Variants in MGAT5 observed in about 807,000 individuals in gnomAD.
MGAT5 encodes alpha-1,6-mannosylglycoprotein 6-beta-N-acetylglucosaminyltransferase.
In MGAT5, 30 loss-of-function variants were observed where a neutral mutation model predicts 94.3. The ratio of observed to expected loss-of-function variants is 0.32; its 90% CI spans 0.24 to 0.43. The LOEUF is 0.43. MGAT5 is among the 20% of genes least tolerant of loss of function. The pLI is 1.00. For synonymous variants in MGAT5, 310 were observed against 322.9 expected (o/e 0.96, Z 0.43); for missense variants, 691 against 905.5 (o/e 0.76, Z 3.04).
At chr2:134,309,388 G>A (rs1686517024) in intron 2 of MGAT5, among the ~76,000 whole-genome samples, 1 of 152,186 alleles carries the variant, frequency 6.6e-6, no homozygotes, top group African/African-American at 2.4e-5. Flanking sequence ...TTTAAGGACT[G>A]CTAGACTGTT....
intron 10 of MGAT5, among the ~76,000 whole-genome samples, chr2:134,369,512 G>T (rs930368238): frequency 6.6e-6 from 1 of 152,138 alleles, no homozygotes; most frequent in Non-Finnish European, 1.5e-5. Flanking sequence ...TTTAAAAAAA[G>T]AATGAATTAT....
At position 134,264,315 on chromosome 2, in the gene MGAT5, C is replaced by T. The variant is rs559975510; in HGVS notation, c.242-6071C>T. On this transcript the variant is annotated intron_variant, in intron 1 of 15. Transcript: ENST00000281923. Reference sequence around the variant, plus strand: ...GGGATTACAGGCATGAGCCACCGCACCCGGCCAGCCATTAAGTATTTTTGA... The same window carrying T: ...GGGATTACAGGCATGAGCCACCGCATCCGGCCAGCCATTAAGTATTTTTGA... 2.9e-4 allele frequency among the ~76,000 whole-genome samples: 44 copies of T among 152,260 alleles called. No homozygotes were observed. The East Asian group carries it at 7.1e-3, about 25-fold the overall frequency.
rs139086306 is a variant in MGAT5 at position 134,177,652 on chromosome 2, G to A, written c.-143+57361G>A. 7.4e-4 allele frequency among the ~76,000 whole-genome samples: 113 copies of A among 152,192 alleles called. 1 individual carries two copies. Among genetic ancestry groups the A allele is most frequent in the Non-Finnish European group, 5.6e-4 (38 of 68,000 alleles). ...ATGAACTGATTTATTAATCTATTAC[G>A]CCTGGGCATGATGATGGTCAGGCAT... On this transcript the variant is annotated intron_variant, in intron 1 of 16. Coordinates refer to the MGAT5 transcript ENST00000409645.
intron 2 of MGAT5, among the ~76,000 whole-genome samples, chr2:134,281,592 A>G (rs574079545): frequency 7.9e-5 from 12 of 152,284 alleles, no homozygotes; most frequent in African/African-American, 2.9e-4. Flanking sequence ...GATGTACAGG[A>G]ACTGGCACAG....
chr2:134,120,900 G>T (rs1023686264), intron 1 of MGAT5, among the ~76,000 whole-genome samples: 17 of 151,942 alleles, frequency 1.1e-4, no homozygotes, highest in Non-Finnish European at 2.2e-4. Context: ...GGCTGTTAGG[G>T]GACGGCCCGC....
chr2:134,432,950 A>G (rs1270469747), intron 14 of MGAT5, among the ~76,000 whole-genome samples: 1 of 152,212 alleles, frequency 6.6e-6, no homozygotes, highest in Non-Finnish European at 1.5e-5. Context: ...TTTACAGACC[A>G]TAAAGTTCAC....
chr2:134,392,029 G>A (rs910003629), intron 10 of MGAT5, among the ~76,000 whole-genome samples: 9 of 152,142 alleles, frequency 5.9e-5, no homozygotes, highest in South Asian at 4.1e-4. Flanking sequence ...AGGGTGTGTC[G>A]TGTTGGCATT....
intron 1 of MGAT5, among the ~76,000 whole-genome samples, chr2:134,218,199 A>G (rs1680591391): frequency 1.3e-5 from 2 of 152,200 alleles, no homozygotes; most frequent in Non-Finnish European, 1.5e-5. Context: ...GCAGATCTTG[A>G]TGTATCTCGA....
chr2:134,446,226 C>G (rs1685766042), intron 15 of MGAT5, among the ~76,000 whole-genome samples: 1 of 152,078 alleles, frequency 6.6e-6, no homozygotes, highest in South Asian at 2.1e-4. Context: ...CTCACAGACA[C>G]ACGCTCATGT....
intron 1 of MGAT5, among the ~76,000 whole-genome samples, chr2:134,191,411 C>T (rs72846726): frequency 0.014 from 2,085 of 152,312 alleles, 25 homozygotes; most frequent in South Asian, 0.034. Flanking sequence ...CGTGGGTTAT[C>T]GCGGGAGCGC....
chr2:134,355,375 A>G (rs1679670099), intron 9 of MGAT5, among the ~76,000 whole-genome samples: 1 of 152,148 alleles, frequency 6.6e-6, no homozygotes, highest in Non-Finnish European at 1.5e-5. Flanking sequence ...CTCAGATTTG[A>G]AAACCATTGT....
At chr2:134,133,118 A>G (rs762268532) in intron 1 of MGAT5, among the ~76,000 whole-genome samples, 1 of 152,238 alleles carries the variant, frequency 6.6e-6, no homozygotes, top group Non-Finnish European at 1.5e-5. Flanking sequence ...GGAAAGGCAA[A>G]GAAACAGTGA....
chr2:134,161,570 G>T (rs573653091), intron 1 of MGAT5, among the ~76,000 whole-genome samples: 344 of 152,274 alleles, frequency 2.3e-3, no homozygotes, highest in Non-Finnish European at 3.9e-3. Context: ...ATTGTCTTCT[G>T]CTCTGACTTC....
chr2:134,285,594 G>A (rs1292010970), intron 2 of MGAT5, among the ~76,000 whole-genome samples: 1 of 152,148 alleles, frequency 6.6e-6, no homozygotes, highest in African/African-American at 2.4e-5. Flanking sequence ...AATAGTATAA[G>A]ACTGTAACCA....
intron 1 of MGAT5, chr2:134,120,368 C>T (rs962899873): frequency 7.9e-6 from 3 of 379,980 alleles, no homozygotes; most frequent in African/African-American, 2.1e-5. Flanking sequence ...CAGAGGGGAC[C>T]GCGGGGGGCA....
At chr2:134,247,254 C>T (rs146287622) in intron 1 of MGAT5, among the ~76,000 whole-genome samples, 2 of 151,046 alleles carry the variant, frequency 1.3e-5, no homozygotes, top group African/African-American at 4.9e-5. Flanking sequence ...GTCAGGCAAG[C>T]AGCCTTGGAA....
chr2:134,124,745 C>T (rs768327061), intron 1 of MGAT5, among the ~76,000 whole-genome samples: 5 of 152,218 alleles, frequency 3.3e-5, no homozygotes, highest in Non-Finnish European at 5.9e-5. Context: ...GAGTTAACTA[C>T]TGGTGCTTGC....
intron 1 of MGAT5, among the ~76,000 whole-genome samples, chr2:134,219,776 G>A (rs989508777): frequency 2.0e-5 from 3 of 152,190 alleles, no homozygotes; most frequent in African/African-American, 7.2e-5. Context: ...GGGAGTGTTT[G>A]AATTTGGGAA....
rs370030042 is a variant in MGAT5 at position 134,317,633 on chromosome 2, A to G, written c.483+28A>G. The stretch of plus-strand genomic sequence containing the variant: ...AAGGCAGAGGCAAGCATCATCCCCA[A>G]TCTGCACAAACACCCCTTCTTTTTC... On this transcript the variant is annotated intron_variant, in intron 3 of 15. Coordinates refer to ENST00000281923, the MANE Select transcript of MGAT5 (RefSeq NM_002410.5). The G allele has an allele frequency of 2.8e-4, 398 of 1,437,042 alleles. 1 individual carries two copies. Among genetic ancestry groups the G allele is most frequent in the Non-Finnish European group, 3.4e-4 (367 of 1,069,686 alleles). The allele number at this position is 1,437,042 out of a possible 1,614,324, so 89.0% of individuals were successfully genotyped here.
Sources: gnomAD v4.1 joint callset for allele counts (sites outside exome capture counted in the v4.1 genomes callset) on GRCh38, gnomAD v4.1.1 for gene constraint, MANE v1.5 for transcripts, NCBI Gene and HGNC (gene_info 2026-07-23, HGNC 2026-07-21) for gene names.